Variants in FAM110B observed in about 807,000 individuals in gnomAD.
FAM110B encodes protein FAM110B.
FAM110B carries 6 observed loss-of-function variants against 20.4 expected under a neutral mutation model. The observed-to-expected ratio is 0.29, with a 90% CI of 0.16 to 0.58. The LOEUF (loss-of-function observed/expected upper bound fraction) is 0.58. Among genes scored for constraint, FAM110B ranks in the 20% least tolerant of loss-of-function variants. The pLI is 0.90. For synonymous variants in FAM110B, 226 were observed against 214.1 expected (o/e 1.06, Z -0.49); for missense variants, 434 against 498.2 (o/e 0.87, Z 1.23).
intron 3 of FAM110B, among the ~76,000 whole-genome samples, chr8:58,127,580 A>T (rs1807540688): frequency 2.0e-5 from 3 of 152,212 alleles, no homozygotes; most frequent in Admixed American, 2.0e-4. Flanking sequence ...TAAATAAAAA[A>T]CCCTAGAACC....
intron 3 of FAM110B, among the ~76,000 whole-genome samples, chr8:58,098,658 A>G (rs778423309): frequency 4.6e-5 from 7 of 152,170 alleles, no homozygotes; most frequent in Admixed American, 2.0e-4. Context: ...GCAGGAAACC[A>G]GGGCCCTGGT....
rs76454509 is a variant in FAM110B, at chr8:58,106,991, G to A, written c.-325+31368G>A. On this transcript the variant is annotated intron_variant, in intron 3 of 3. Coordinates refer to ENST00000519262, the MANE Select transcript of FAM110B (RefSeq NM_001377989.1). ...TCACAGAAGAGTCATAATTTTTGCC[G>A]TTGATTATTAAGTACTCATTGCATG... Among the ~76,000 whole-genome samples, 819 of 152,082 alleles carry A rather than the reference G, an allele frequency of 5.4e-3. 12 individuals carry two copies. Among genetic ancestry groups the A allele is most frequent in the East Asian group, 0.026 (133 of 5,178 alleles).
rs578133975 is a variant in FAM110B at position 58,146,697 on chromosome 8, G to A, written c.467G>A (p.Arg156His). 6 of 1,612,480 alleles carry A rather than the reference G, an allele frequency of 3.7e-6. No individual in the cohort carries two copies. Among genetic ancestry groups the A allele is most frequent in the African/African-American group, 2.7e-5 (2 of 75,028 alleles). ...PHRSEATDLHRHSFAESLKVY... is the reference protein window; with the variant it reads ...PHRSEATDLHHHSFAESLKVY... The stretch of plus-strand genomic sequence containing the variant: ...CGGTCGGAAGCCACTGACCTGCACC[G>A]TCACTCCTTCGCGGAGTCCCTGAAG... Residue 156 changes from arginine (R) to histidine (H), a missense_variant, in exon 4 of 4, where the codon CGT becomes CAT. Coordinates refer to ENST00000519262, the MANE Select transcript of FAM110B (RefSeq NM_001377989.1).
chr8:58,009,006 T>C (rs1403291999), intron 1 of FAM110B, among the ~76,000 whole-genome samples: 1 of 152,192 alleles, frequency 6.6e-6, no homozygotes, highest in Non-Finnish European at 1.5e-5. Context: ...TCCTCTCTGC[T>C]CTCTCTGCCT....
chr8:58,058,795 A>G (rs1805598786), intron 2 of FAM110B, among the ~76,000 whole-genome samples: 1 of 152,198 alleles, frequency 6.6e-6, no homozygotes, highest in South Asian at 2.1e-4. Flanking sequence ...GTAATACCAT[A>G]TTTGTAATGT....
chr8:58,079,059 C>CCT (rs1272038059), intron 3 of FAM110B, among the ~76,000 whole-genome samples: 7 of 152,112 alleles, frequency 4.6e-5, no homozygotes, highest in African/African-American at 1.7e-4. Context: ...GACTCATCAT[C>CCT]CTCTCATGCC....
intron 1 of FAM110B, among the ~76,000 whole-genome samples, chr8:58,013,129 G>A (rs1804572430): frequency 2.0e-5 from 3 of 152,190 alleles, no homozygotes; most frequent in Admixed American, 6.5e-5. Flanking sequence ...CTGAAATGCT[G>A]TGTGATGTCT....
At chr8:58,088,031 A>G (rs1197661446) in intron 3 of FAM110B, among the ~76,000 whole-genome samples, 2 of 152,214 alleles carry the variant, frequency 1.3e-5, no homozygotes, top group African/African-American at 4.8e-5. Flanking sequence ...CCTCAACTCA[A>G]TACCTGATAC....
At chr8:58,141,830 C>T (rs1411889492) in intron 3 of FAM110B, among the ~76,000 whole-genome samples, 1 of 152,196 alleles carries the variant, frequency 6.6e-6, no homozygotes, top group Non-Finnish European at 1.5e-5. Flanking sequence ...GGCTCCTTTC[C>T]GAAGGCCACA....
rs754837362 is a variant in FAM110B at position 58,147,386 on chromosome 8, G to T, written c.*43G>T. ...AGGGAGCGTGGGTCTCTGTGCTTAC[G>T]CAGTTGTGAAGGTTGTGAGGTCTCC... On this transcript the variant is annotated 3_prime_UTR_variant, in exon 4 of 4. Transcript: ENST00000519262. 6.3e-7 allele frequency: 1 copy of T among 1,580,224 alleles called. No homozygotes were observed. Among genetic ancestry groups the T allele is most frequent in the Non-Finnish European group, 8.6e-7 (1 of 1,162,454 alleles).
intron 3 of FAM110B, among the ~76,000 whole-genome samples, chr8:58,128,002 G>C (rs1380543148): frequency 6.6e-6 from 1 of 152,148 alleles, no homozygotes; most frequent in Non-Finnish European, 1.5e-5. Context: ...GGATTGACCA[G>C]GGAAGTGATT....
At chr8:58,032,620 T>G (rs1804987988) in intron 2 of FAM110B, 1 of 152,244 alleles carries the variant, frequency 6.6e-6, no homozygotes, top group African/African-American at 2.4e-5. Context: ...TTGGCGTTTG[T>G]TAATCTGAAT....
At chr8:58,052,849 G>T (rs1024574422) in intron 2 of FAM110B, among the ~76,000 whole-genome samples, 1 of 126,300 alleles carries the variant, frequency 7.9e-6, no homozygotes, top group South Asian at 2.7e-4. Flanking sequence ...GCAGTGGCGC[G>T]ATCTCGGCTC....
chr8:58,083,975 C>T lies in FAM110B; in HGVS notation c.-325+8352C>T, dbSNP rs562891143. On this transcript the variant is annotated intron_variant, in intron 3 of 3. Transcript: ENST00000519262. Reference sequence around the variant, plus strand: ...GAAGCTCTGGGTACATAGGAGAGTACGGCTAACTCCTGGTTGATCCGGATC... The same window carrying T: ...GAAGCTCTGGGTACATAGGAGAGTATGGCTAACTCCTGGTTGATCCGGATC... Among the ~76,000 whole-genome samples, 15 of 152,262 alleles carry T rather than the reference C, an allele frequency of 9.9e-5. No individual in the cohort carries two copies. The South Asian group carries it at 1.2e-3, about 13-fold the overall frequency.
chr8:58,139,051 A>C (rs967453161), intron 3 of FAM110B, among the ~76,000 whole-genome samples: 3 of 152,258 alleles, frequency 2.0e-5, no homozygotes, highest in African/African-American at 7.2e-5. Context: ...TGTCGAAAAA[A>C]TTAAAGTGCC....
At chr8:58,076,028 G>A (rs1205977734) in intron 3 of FAM110B, among the ~76,000 whole-genome samples, 1 of 152,120 alleles carries the variant, frequency 6.6e-6, no homozygotes, top group African/African-American at 2.4e-5. Flanking sequence ...GTGGTGTGTT[G>A]CTCATTGCAG....
chr8:58,040,096 C>T (rs184306292), intron 2 of FAM110B, among the ~76,000 whole-genome samples: 3 of 152,246 alleles, frequency 2.0e-5, no homozygotes, highest in Non-Finnish European at 2.9e-5. Context: ...AGGCGATCCT[C>T]CCTTCTCTGC....
At chr8:58,086,540 T>C (rs951725321) in intron 3 of FAM110B, among the ~76,000 whole-genome samples, 2 of 152,196 alleles carry the variant, frequency 1.3e-5, no homozygotes, top group Non-Finnish European at 2.9e-5. Flanking sequence ...TTTGAAGTGC[T>C]ACCTGAAGTG....
intron 3 of FAM110B, among the ~76,000 whole-genome samples, chr8:58,137,486 G>A (rs1338435680): frequency 6.6e-6 from 1 of 152,164 alleles, no homozygotes; most frequent in Non-Finnish European, 1.5e-5. Flanking sequence ...ATTTGAAATA[G>A]GAGGCGGAGG....
Sources: allele counts gnomAD v4.1 joint callset (sites outside exome capture counted in the v4.1 genomes callset), GRCh38; gene constraint gnomAD v4.1.1; transcripts MANE v1.5; gene names NCBI Gene and HGNC (gene_info 2026-07-23, HGNC 2026-07-21).